Variants in PHLDB2 observed in about 807,000 individuals in gnomAD.
PHLDB2 encodes the protein pleckstrin homology-like domain family B member 2.
In PHLDB2, 71 loss-of-function variants were observed where a neutral mutation model predicts 123.6. The observed-to-expected ratio is 0.57, with a 90% CI of 0.47 to 0.70. The LOEUF is 0.70. PHLDB2 is among the 30% of genes least tolerant of loss of function. PHLDB2 has a pLI of 0.00. For missense variants in PHLDB2, 1,446 were observed against 1,519.5 expected (o/e 0.95, Z 0.80); for synonymous variants, 547 against 541.6 (o/e 1.01, Z -0.14).
chr3:111,846,169 C>A, intron 2 of PHLDB2: 1 of 419,880 alleles, frequency 2.4e-6, no homozygotes, highest in Non-Finnish European at 4.4e-6. Flanking sequence ...AGTCCAGATG[C>A]TGAAGGATGG....
intron 1 of PHLDB2, among the ~76,000 whole-genome samples, chr3:111,840,483 C>A (rs2063632918): frequency 6.6e-6 from 1 of 152,060 alleles, no homozygotes; most frequent in Non-Finnish European, 1.5e-5. Context: ...AGCATTTTTG[C>A]ATTGATATTG....
chr3:111,811,155 T>C (rs2108333224), intron 1 of PHLDB2, among the ~76,000 whole-genome samples: 1 of 152,318 alleles, frequency 6.6e-6, no homozygotes, highest in South Asian at 2.1e-4. Context: ...AAGTAACTGG[T>C]CTTACAGTTA....
chr3:111,845,931 T>G (rs766582575), exon 2 of PHLDB2: 177 of 1,613,610 alleles, frequency 1.1e-4, no homozygotes, highest in Non-Finnish European at 1.4e-4. Flanking sequence ...ATGTGCAACA[T>G]TTCGGTGAGA....
At chr3:111,908,456 A>G (rs2067683938) in intron 2 of PHLDB2, among the ~76,000 whole-genome samples, 1 of 152,218 alleles carries the variant, frequency 6.6e-6, no homozygotes, top group Non-Finnish European at 1.5e-5. Context: ...CTTACACTCC[A>G]GGACTAGTGT....
At chr3:111,757,585 T>G (rs776405207) in intron 1 of PHLDB2, among the ~76,000 whole-genome samples, 24 of 152,252 alleles carry the variant, frequency 1.6e-4, no homozygotes, top group Non-Finnish European at 3.4e-4. Flanking sequence ...TCAAAGTCAT[T>G]CTCCATCCAG....
chr3:111,935,784 C>T (rs1318824756), intron 6 of PHLDB2, among the ~76,000 whole-genome samples: 3 of 152,170 alleles, frequency 2.0e-5, no homozygotes, highest in Non-Finnish European at 4.4e-5. Context: ...TCTAGCCACT[C>T]TGGCAGCTGA....
At chr3:111,880,544 C>T (rs767068745) in intron 1 of PHLDB2, among the ~76,000 whole-genome samples, 1 of 152,176 alleles carries the variant, frequency 6.6e-6, no homozygotes, top group Non-Finnish European at 1.5e-5. Context: ...CCTTTGAAGG[C>T]TCAGGGTTAG....
At chr3:111,784,969 A>G (rs2060623621) in intron 1 of PHLDB2, among the ~76,000 whole-genome samples, 1 of 152,178 alleles carries the variant, frequency 6.6e-6, no homozygotes, top group Non-Finnish European at 1.5e-5. Flanking sequence ...ATAAATTAGG[A>G]AAAGTGATAT....
chr3:111,859,878 G>A (rs1446589582), intron 1 of PHLDB2: 3 of 984,158 alleles, frequency 3.0e-6, no homozygotes, highest in Admixed American at 6.2e-5. Flanking sequence ...AAGATGAGAC[G>A]GTGAGTGGGC....
intron 2 of PHLDB2, among the ~76,000 whole-genome samples, chr3:111,892,843 ATTTG>A (rs1373176050): frequency 6.6e-6 from 1 of 152,214 alleles, no homozygotes; most frequent in East Asian, 1.9e-4. Context: ...AATTGAGCAT[ATTTG>A]TTTAAGGATT....
chr3:111,885,590 G>C (rs2066120731), intron 2 of PHLDB2, 178 bp downstream of exon 2: 2 of 847,196 alleles, frequency 2.4e-6, no homozygotes, highest in East Asian at 2.6e-5. Flanking sequence ...ACTATTAATA[G>C]GCTTGTTTGG....
rs139518161 is a variant in PHLDB2, at chr3:111,827,159, A to T, written c.-48-18662A>T. ...CTTTAGGCTTGTCCTGTTCAAATTG[A>T]TCCTCCAACCTATCAAACTGACTTA... is the stretch of plus-strand genomic sequence containing the variant. On this transcript the variant is annotated intron_variant, in intron 1 of 17. Transcript: ENST00000393923. 6.0e-3 allele frequency among the ~76,000 whole-genome samples: 921 copies of T among 152,310 alleles called. 7 individuals carry two copies. The highest frequency in any genetic ancestry group is 0.051 in the Middle Eastern group (15 of 294).
intron 5 of PHLDB2, among the ~76,000 whole-genome samples, chr3:111,921,075 G>A (rs2068471142): frequency 6.6e-6 from 1 of 152,192 alleles, no homozygotes; most frequent in Non-Finnish European, 1.5e-5. Context: ...AACCTGAATG[G>A]TGGCTGATAT....
intron 3 of PHLDB2, chr3:111,914,400 G>C (rs1487706620): frequency 1.3e-5 from 2 of 151,920 alleles, no homozygotes; most frequent in Non-Finnish European, 2.9e-5. Context: ...TAAAAAAAGA[G>C]TCTATATATC....
intron 1 of PHLDB2, among the ~76,000 whole-genome samples, chr3:111,759,177 T>C (rs1392819721): frequency 6.6e-6 from 1 of 151,968 alleles, no homozygotes; most frequent in Non-Finnish European, 1.5e-5. Context: ...CAAAATACCA[T>C]AAACTAGGTA....
At chr3:111,859,856 C>G (rs762546890) in intron 1 of PHLDB2, 291 of 985,840 alleles carry the variant, frequency 3.0e-4, no homozygotes, top group Non-Finnish European at 3.4e-4. Context: ...CGTAGAGCGG[C>G]GGTTTGGAGG....
intron 1 of PHLDB2, among the ~76,000 whole-genome samples, chr3:111,798,609 C>A (rs1183436219): frequency 2.0e-5 from 3 of 151,224 alleles, no homozygotes; most frequent in African/African-American, 7.3e-5. Context: ...GCCCAGGAGG[C>A]CAAGGCTGCA....
intron 2 of PHLDB2, among the ~76,000 whole-genome samples, chr3:111,894,516 C>G (rs1219073822): frequency 6.6e-6 from 1 of 151,862 alleles, no homozygotes; most frequent in Non-Finnish European, 1.5e-5. Flanking sequence ...AACTAGTTTA[C>G]ACTCCCACCA....
chr3:111,827,685 C>CAAAAAAAAAAAAAAAA, intron 1 of PHLDB2, among the ~76,000 whole-genome samples: 1 of 73,172 alleles, frequency 1.4e-5, no homozygotes, highest in Non-Finnish European at 3.0e-5. Context: ...GAATCCGTCT[C>CAAAAAAAAAAAAAAAA]AAAAAAAAAA....
Sources: gnomAD v4.1 joint callset for allele counts (sites outside exome capture counted in the v4.1 genomes callset) on GRCh38, gnomAD v4.1.1 for gene constraint, MANE v1.5 for transcripts, NCBI Gene and HGNC (gene_info 2026-07-23, HGNC 2026-07-21) for gene names.